Variants in NEK7 observed in about 807,000 individuals in gnomAD.
NEK7 encodes the protein NIMA related kinase 7, also known as serine/threonine-protein kinase Nek7.
A neutral mutation model predicts 44.6 loss-of-function variants in NEK7; 18 were observed. The observed-to-expected ratio is 0.40, with a 90% confidence interval of 0.28 to 0.60. The LOEUF (loss-of-function observed/expected upper bound fraction) is 0.60. Ranked by LOEUF, NEK7 falls within the 20% of genes least tolerant of loss-of-function variation. The probability of loss-of-function intolerance (pLI) is 0.38; values close to 1 mark genes in which losing one functional copy is unlikely to be tolerated. For missense variants in NEK7, 256 were observed against 366.5 expected, an observed-to-expected ratio of 0.70 and a Z score of 2.46; for synonymous variants, 130 against 121.1, an observed-to-expected ratio of 1.07 and a Z score of -0.48.
intron 9 of NEK7, among the ~76,000 whole-genome samples, chr1:198,317,888 T>TTA (rs1558109614): frequency 6.9e-6 from 1 of 144,296 alleles, no homozygotes; most frequent in Non-Finnish European, 1.5e-5. Context: ...TTTTTTTTTT[T>TTA]TTTTTTTTTT....
chr1:198,224,027 T>C (rs1666143545), intron 1 of NEK7, among the ~76,000 whole-genome samples: 1 of 152,216 alleles, frequency 6.6e-6, no homozygotes, highest in African/African-American at 2.4e-5. Flanking sequence ...ACCTGCCACC[T>C]GTCAAATTTG....
At chr1:198,308,518 G>A (rs1008077547) in intron 9 of NEK7, among the ~76,000 whole-genome samples, 1 of 152,160 alleles carries the variant, frequency 6.6e-6, no homozygotes, top group Non-Finnish European at 1.5e-5. Flanking sequence ...GAATATTTCT[G>A]ATGAATGCTA....
rs555669980 is a variant in NEK7 at position 198,321,399 on chromosome 1, T to C, written c.*1877T>C. The C allele has an allele frequency of 6.6e-6, 1 of 152,310 alleles. No individual in the cohort carries two copies. The highest frequency in any genetic ancestry group is 6.5e-5 in the Admixed American group (1 of 15,298). 9.4% of individuals were successfully genotyped at this position (152,310 alleles called of 1,614,324 possible). On this transcript the variant is annotated 3_prime_UTR_variant, in exon 10 of 10. Transcript: ENST00000367385. ...ATTCCTAGAAGTATGAGAAGAATTATTCTTATTGACCATTAATGTCATGTT... is the reference window on the plus strand; with the variant it reads ...ATTCCTAGAAGTATGAGAAGAATTACTCTTATTGACCATTAATGTCATGTT...
intron 7 of NEK7, among the ~76,000 whole-genome samples, chr1:198,292,361 C>T (rs1654585691): frequency 6.6e-6 from 1 of 151,914 alleles, no homozygotes; most frequent in African/African-American, 2.4e-5. Context: ...TCCAGAGATG[C>T]CAGTGCCCTT....
At chr1:198,310,901 G>A (rs1367859679) in intron 9 of NEK7, among the ~76,000 whole-genome samples, 1 of 149,994 alleles carries the variant, frequency 6.7e-6, no homozygotes, top group African/African-American at 2.5e-5. Flanking sequence ...TTTTCGCTTA[G>A]GATTGACTTG....
chr1:198,312,212 T>C (rs1336603836), intron 9 of NEK7, among the ~76,000 whole-genome samples: 2 of 151,954 alleles, frequency 1.3e-5, no homozygotes, highest in African/African-American at 4.8e-5. Context: ...CTAGATTTTC[T>C]AGTTTATTTG....
At chr1:198,160,686 C>G (rs1273335582) in intron 1 of NEK7, among the ~76,000 whole-genome samples, 2 of 152,098 alleles carry the variant, frequency 1.3e-5, no homozygotes, top group Non-Finnish European at 2.9e-5. Context: ...TTAATTCTCC[C>G]CCCTCCACCC....
At chr1:198,243,468 G>A (rs140225431) in intron 2 of NEK7, among the ~76,000 whole-genome samples, 161 of 152,266 alleles carry the variant, frequency 1.1e-3, no homozygotes, top group Non-Finnish European at 2.1e-3. Flanking sequence ...AGCTGGTAGT[G>A]CTCATAGGGA....
At chr1:198,296,355 A>G (rs1480098755) in intron 8 of NEK7, among the ~76,000 whole-genome samples, 1 of 152,200 alleles carries the variant, frequency 6.6e-6, no homozygotes, top group Non-Finnish European at 1.5e-5. Flanking sequence ...TTAGTTTGTA[A>G]CACTGCTTAC....
chr1:198,309,412 T>C (rs1393300601), intron 9 of NEK7, among the ~76,000 whole-genome samples: 1 of 152,160 alleles, frequency 6.6e-6, no homozygotes, highest in East Asian at 1.9e-4. Context: ...GTGGCTCATA[T>C]TATGCCAGGC....
intron 9 of NEK7, among the ~76,000 whole-genome samples, chr1:198,319,090 T>C (rs1655462693): frequency 1.3e-5 from 2 of 151,024 alleles, no homozygotes; most frequent in Non-Finnish European, 3.0e-5. Flanking sequence ...TGGAGACTTA[T>C]AGTTATAAGA....
chr1:198,213,479 G>A (rs541546848), intron 1 of NEK7, among the ~76,000 whole-genome samples: 28 of 152,234 alleles, frequency 1.8e-4, no homozygotes, highest in South Asian at 1.2e-3. Context: ...GGAGCTCAGC[G>A]TAGGTGCATC....
chr1:198,179,012 G>T (rs1251750486), intron 1 of NEK7, among the ~76,000 whole-genome samples: 31 of 144,028 alleles, frequency 2.2e-4, no homozygotes, highest in Non-Finnish European at 4.3e-4. Flanking sequence ...TTTTTTTTAA[G>T]GAAAAGCCTC....
intron 1 of NEK7, among the ~76,000 whole-genome samples, chr1:198,223,867 C>G (rs1290119118): frequency 6.6e-6 from 1 of 151,810 alleles, no homozygotes; most frequent in Non-Finnish European, 1.5e-5. Context: ...TTTAGAAGAT[C>G]TAAATAACTC....
chr1:198,179,906 A>G (rs975559717), intron 1 of NEK7, among the ~76,000 whole-genome samples: 21 of 152,070 alleles, frequency 1.4e-4, no homozygotes, highest in African/African-American at 5.1e-4. Flanking sequence ...GAGTCAGGAA[A>G]CCTGAGTTTC....
At chr1:198,169,696 G>A (rs1022143603) in intron 1 of NEK7, among the ~76,000 whole-genome samples, 1 of 150,382 alleles carries the variant, frequency 6.6e-6, no homozygotes, top group Non-Finnish European at 1.5e-5. Flanking sequence ...TTCAATCTCA[G>A]TGCATTAAAA....
In NEK7 at chr1:198,287,688, CTTG is replaced by C. The variant is rs554745066; in HGVS notation, c.590-5252_590-5250del. The stretch of plus-strand genomic sequence containing the variant: ...TTGTGTGTGAGTTTACTTGTATGTG[CTTG>C]TTGTACATCCTAAAAATGAGACAGA... On this transcript the variant is annotated intron_variant, in intron 7 of 9. Coordinates refer to ENST00000367385, the MANE Select transcript of NEK7 (RefSeq NM_133494.3). Among the ~76,000 whole-genome samples, 150 of 151,278 alleles carry C rather than the reference CTTG, an allele frequency of 9.9e-4. 1 individual carries two copies. The highest frequency in any genetic ancestry group is 3.4e-3 in the Middle Eastern group (1 of 292).
At chr1:198,296,293 T>C (rs1439584224) in intron 8 of NEK7, among the ~76,000 whole-genome samples, 2 of 152,196 alleles carry the variant, frequency 1.3e-5, no homozygotes, top group East Asian at 3.8e-4. Context: ...GCTGCTGTGG[T>C]TCAAAGATTT....
At chr1:198,304,107 T>A (rs987228134) in intron 9 of NEK7, among the ~76,000 whole-genome samples, 5 of 152,168 alleles carry the variant, frequency 3.3e-5, no homozygotes, top group Admixed American at 2.6e-4. Flanking sequence ...TCACCTATGC[T>A]TCTGAAGCAA....
Sources: gnomAD v4.1 joint callset for allele counts (sites outside exome capture counted in the v4.1 genomes callset) on GRCh38, gnomAD v4.1.1 for gene constraint, MANE v1.5 for transcripts, NCBI Gene and HGNC (gene_info 2026-07-23, HGNC 2026-07-21) for gene names.